Variants in ZNF44 observed in about 807,000 individuals in gnomAD.
ZNF44 encodes gonadotropin inducible transcription repressor-2.
A neutral mutation model predicts 11.7 loss-of-function variants in ZNF44; 9 were observed. The observed-to-expected ratio is 0.77, with a 90% confidence interval of 0.46 to 1.35. ZNF44 has a LOEUF of 1.35. Among genes scored for constraint, ZNF44 ranks in the 40% most tolerant of loss-of-function variants. The pLI is 0.00. For missense variants in ZNF44, 696 were observed against 743.1 expected (o/e 0.94, Z 0.74); for synonymous variants, 224 against 242.7 (o/e 0.92, Z 0.72).
intron 1 of ZNF44, among the ~76,000 whole-genome samples, chr19:12,235,461 C>T (rs1916348005): frequency 6.6e-6 from 1 of 152,112 alleles, no homozygotes; most frequent in African/African-American, 2.4e-5. Context: ...CTAATACATG[C>T]TAGGAGGCCA....
At position 12,272,795 on chromosome 19, in the gene ZNF44, G is replaced by C. The variant is rs776828861; in HGVS notation, c.1460C>G (p.Ser487Cys). ...TTCATGGCGACAAAAGTATTTAAAA[G>C]AACTAAATGCTTTCCCACACTCCTT... Reference protein sequence around the residue: ...ECKECGKAFSSFKYFCRHERT... With the variant: ...ECKECGKAFSCFKYFCRHERT... The change falls in exon 4 of 4, where the codon TCT (serine) becomes TGT (cysteine). Residue 487 changes from serine (S) to cysteine (C), a missense_variant. Transcript: ENST00000355684. The C allele has an allele frequency of 6.2e-7, 1 of 1,613,670 alleles. No homozygotes were observed. Among genetic ancestry groups the C allele is most frequent in the Admixed American group, 1.7e-5 (1 of 59,968 alleles).
At chr19:12,231,044 G>A (rs1019629000) in intron 2 of ZNF44, among the ~76,000 whole-genome samples, 13 of 152,266 alleles carry the variant, frequency 8.5e-5, no homozygotes, top group African/African-American at 2.6e-4. Flanking sequence ...ATGCCCTTTG[G>A]ATTTAGGCAG....
upstream of ZNF44, among the ~76,000 whole-genome samples, chr19:12,238,943 CTG>C (rs1190877886): frequency 6.6e-6 from 1 of 152,212 alleles, no homozygotes; most frequent in East Asian, 1.9e-4. Flanking sequence ...GGGGATCAGT[CTG>C]TGAGTTCCTG....
chr19:12,263,835 G>T (rs1363258686), intron 5 of ZNF44, among the ~76,000 whole-genome samples: 1 of 150,640 alleles, frequency 6.6e-6, no homozygotes, highest in Non-Finnish European at 1.5e-5. Flanking sequence ...TGAGGAAGGA[G>T]AATGGCGTAA....
At chr19:12,245,508 T>C (rs1413977825), downstream of ZNF44, among the ~76,000 whole-genome samples, 1 of 152,218 alleles carries the variant, frequency 6.6e-6, no homozygotes, top group East Asian at 1.9e-4. Context: ...TCACATAGAC[T>C]GTGTCAGAGC....
exon 8 of ZNF44, chr19:12,248,077 A>C (rs1916829138): frequency 7.6e-7 from 1 of 1,322,156 alleles, no homozygotes; most frequent in Non-Finnish European, 1.0e-6. Flanking sequence ...AAACCTACAG[A>C]AGATATGTAG....
intron 5 of ZNF44, among the ~76,000 whole-genome samples, chr19:12,255,882 C>A (rs1568431508): frequency 6.6e-6 from 1 of 151,604 alleles, no homozygotes; most frequent in Admixed American, 6.6e-5. Context: ...ACTAAAAATA[C>A]AAAATTAGCC....
chr19:12,275,134 G>C, intron 2 of ZNF44, 101 bp from the exon 3 acceptor site: 1 of 834,052 alleles, frequency 1.2e-6, no homozygotes, highest in South Asian at 2.3e-5. Flanking sequence ...TTCATTCATT[G>C]AACTATAGTT....
intron 1 of ZNF44, among the ~76,000 whole-genome samples, chr19:12,236,477 G>T (rs1916393191): frequency 6.6e-6 from 1 of 152,182 alleles, no homozygotes; most frequent in South Asian, 2.1e-4. Flanking sequence ...AGACCTGTCA[G>T]AAATAGGAAG....
chr19:12,289,486 T>G (rs1347709947), intron 1 of ZNF44, among the ~76,000 whole-genome samples: 3 of 151,928 alleles, frequency 2.0e-5, no homozygotes, highest in African/African-American at 7.3e-5. Flanking sequence ...AGAATCTGAT[T>G]TTCACCCTCC....
At chr19:12,268,593 ATTTAT>A (rs1181287304), downstream of ZNF44, among the ~76,000 whole-genome samples, 1 of 151,948 alleles carries the variant, frequency 6.6e-6, no homozygotes, top group Admixed American at 6.6e-5. Context: ...TTACACTGTT[ATTTAT>A]TTTGAGACAG....
chr19:12,236,893 C>A (rs1050246600), intron 1 of ZNF44, among the ~76,000 whole-genome samples: 1 of 152,122 alleles, frequency 6.6e-6, no homozygotes, highest in Non-Finnish European at 1.5e-5. Context: ...GTTTTTTTAA[C>A]CTTTGGTTGA....
At chr19:12,228,649 T>C (rs1244595706) in intron 3 of ZNF44, among the ~76,000 whole-genome samples, 1 of 152,192 alleles carries the variant, frequency 6.6e-6, no homozygotes, top group East Asian at 1.9e-4. Context: ...AACCAGTTAA[T>C]TTACTTTAGT....
chr19:12,239,607 ACT>A (rs1190878507), upstream of ZNF44, among the ~76,000 whole-genome samples: 3 of 120,928 alleles, frequency 2.5e-5, no homozygotes, highest in Admixed American at 1.7e-4. Flanking sequence ...ATAGAGTCTA[ACT>A]CTGTCATCCA....
At chr19:12,242,313 A>G (rs544799601), upstream of ZNF44, among the ~76,000 whole-genome samples, 2 of 151,750 alleles carry the variant, frequency 1.3e-5, no homozygotes, top group South Asian at 4.2e-4. Flanking sequence ...TTCAAGGACC[A>G]TCCTGGCTAA....
intron 5 of ZNF44, chr19:12,260,442 C>T (rs895415119): frequency 3.0e-5 from 43 of 1,418,374 alleles, no homozygotes; most frequent in African/African-American, 4.2e-5. Flanking sequence ...CCCCGACCTG[C>T]GCATGGCAGC....
At chr19:12,291,165 C>T (rs1486314152) in intron 1 of ZNF44, 3 of 419,628 alleles carry the variant, frequency 7.1e-6, no homozygotes, top group Middle Eastern at 6.8e-4. Flanking sequence ...TTAGCTATTG[C>T]AAAGTCCCAC....
At chr19:12,281,949 G>A (rs541314261) in intron 1 of ZNF44, among the ~76,000 whole-genome samples, 2 of 152,174 alleles carry the variant, frequency 1.3e-5, no homozygotes, top group East Asian at 1.9e-4. Flanking sequence ...TCTGGCAAGC[G>A]TTTATGGAAG....
chr19:12,258,962 C>T (rs1161126072), intron 5 of ZNF44, among the ~76,000 whole-genome samples: 2 of 152,124 alleles, frequency 1.3e-5, no homozygotes, highest in Non-Finnish European at 2.9e-5. Context: ...GCAGCCTCAA[C>T]CTCCCAGGCG....
Sources: allele counts gnomAD v4.1 joint callset (sites outside exome capture counted in the v4.1 genomes callset), GRCh38; gene constraint gnomAD v4.1.1; transcripts MANE v1.5; gene names NCBI Gene and HGNC (gene_info 2026-07-23, HGNC 2026-07-21).